Variants in GABBR2 observed in about 807,000 individuals in gnomAD.
The protein encoded by GABBR2 is gamma-aminobutyric acid type B receptor subunit 2, also known as G-protein coupled receptor 51.
Under a neutral mutation model 105.6 loss-of-function variants are expected in GABBR2, and 23 were observed. The ratio of observed to expected loss-of-function variants is 0.22; its 90% CI spans 0.16 to 0.31. The LOEUF (loss-of-function observed/expected upper bound fraction) is 0.31. GABBR2 is among the 10% of genes least tolerant of loss of function. The pLI, the probability that GABBR2 is intolerant of heterozygous loss-of-function variation, is 1.00. For missense variants in GABBR2, 734 were observed against 1,245.5 expected, an observed-to-expected ratio of 0.59 and a Z score of 6.18; for synonymous variants, 478 against 499.7, an observed-to-expected ratio of 0.96 and a Z score of 0.58.
rs150762560 is a variant in GABBR2, at chr9:98,310,342, G to A, written c.2004+753C>T. Among the ~76,000 whole-genome samples, 895 of 151,890 alleles carry A rather than the reference G, an allele frequency of 5.9e-3. 15 individuals are homozygous for A. Among genetic ancestry groups the A allele is most frequent in the Admixed American group, 0.031 (472 of 15,236 alleles). ...CGGCCCACCGCAACCTCTGCCTCCC[G>A]GGTTCAAGCGATTCTCCTGCCTCAG... On this transcript the variant is annotated intron_variant, in intron 14 of 18. Coordinates refer to ENST00000259455, the MANE Select transcript of GABBR2 (RefSeq NM_005458.8).
In GABBR2 at chr9:98,550,758, C is replaced by T. The variant is rs1258759145; in HGVS notation, c.460-8715G>A. 2.6e-5 allele frequency among the ~76,000 whole-genome samples: 4 copies of T among 152,246 alleles called. No individual in the cohort carries two copies. In the East Asian group the frequency reaches 7.7e-4, roughly 29 times the overall value. ...CCTGCCTGCTTTGGAGGGGTGATGG[C>T]AGGATGTAAAAGAACTTTGTGGACT... On this transcript the variant is annotated intron_variant, in intron 2 of 18. Coordinates refer to ENST00000259455, the MANE Select transcript of GABBR2 (RefSeq NM_005458.8).
intron 3 of GABBR2, among the ~76,000 whole-genome samples, chr9:98,503,260 C>T (rs1023139396): frequency 3.9e-5 from 6 of 152,116 alleles, no homozygotes; most frequent in Non-Finnish European, 7.4e-5. Context: ...AATGTCCTAG[C>T]GGGCTTAATG....
intron 11 of GABBR2, among the ~76,000 whole-genome samples, chr9:98,373,851 C>CTTTTTTTTTT (rs577915397): frequency 2.3e-5 from 2 of 86,690 alleles, no homozygotes; most frequent in African/African-American, 9.8e-5. Context: ...CAAAGCATTC[C>CTTTTTTTTTT]TTTTTTTTTT....
intron 2 of GABBR2, among the ~76,000 whole-genome samples, chr9:98,549,499 G>A (rs554578014): frequency 3.3e-5 from 5 of 152,294 alleles, no homozygotes; most frequent in Admixed American, 6.5e-5. Context: ...CCTCTTTCAC[G>A]TTGTTCAGAT....
chr9:98,409,052 C>A (rs7048026), intron 7 of GABBR2, among the ~76,000 whole-genome samples: 1 of 152,184 alleles, frequency 6.6e-6, no homozygotes, highest in Non-Finnish European at 1.5e-5. Context: ...TAGCCAGAGG[C>A]AAAAGCCAGG....
At chr9:98,647,274 C>A (rs188777013) in intron 1 of GABBR2, among the ~76,000 whole-genome samples, 1 of 152,286 alleles carries the variant, frequency 6.6e-6, no homozygotes, top group East Asian at 1.9e-4. Context: ...TAGCATCTGA[C>A]CCTGCGATTC....
chr9:98,367,408 G>T (rs1336162964), intron 12 of GABBR2, among the ~76,000 whole-genome samples: 2 of 151,968 alleles, frequency 1.3e-5, no homozygotes, highest in African/African-American at 4.8e-5. Flanking sequence ...TAACTTATAT[G>T]AGGTTCCTAG....
At chr9:98,703,369 C>T (rs1204350445) in intron 1 of GABBR2, among the ~76,000 whole-genome samples, 1 of 152,190 alleles carries the variant, frequency 6.6e-6, no homozygotes, top group Non-Finnish European at 1.5e-5. Context: ...TCATTTGCAT[C>T]AAGAGTACTA....
intron 1 of GABBR2, among the ~76,000 whole-genome samples, chr9:98,604,893 A>T (rs1829390803): frequency 6.6e-6 from 1 of 152,216 alleles, no homozygotes; most frequent in Admixed American, 6.5e-5. Context: ...TAGACCCCTC[A>T]TCTCCCAGGA....
chr9:98,622,458 A>G (rs981368403), intron 1 of GABBR2, among the ~76,000 whole-genome samples: 3 of 152,060 alleles, frequency 2.0e-5, no homozygotes, highest in African/African-American at 7.2e-5. Context: ...ATAACTACCA[A>G]ACAGAAACCC....
chr9:98,529,852 A>G (rs1423210784), intron 3 of GABBR2, among the ~76,000 whole-genome samples: 1 of 152,142 alleles, frequency 6.6e-6, no homozygotes, highest in Non-Finnish European at 1.5e-5. Flanking sequence ...TAAAGTCTCA[A>G]CTTAGAGGCA....
Position 98,473,265 on chromosome 9 carries a change from G to A in GABBR2, c.880C>T (p.His294Tyr), listed in dbSNP as rs900049439. Residue 294 changes from histidine (H) to tyrosine (Y), a missense_variant, in exon 6 of 19, where the codon CAC (histidine) becomes TAC (tyrosine). His to Tyr is a moderately conservative substitution (Grantham distance 83). Coordinates refer to ENST00000259455, the MANE Select transcript of GABBR2 (RefSeq NM_005458.8). ...CAGCGGGATGAGTTGGCTTCCGTGT[G>A]CACCTGCTCCCACCAAGAAGGCTCG... ...WYEPSWWEQV[H>Y]TEANSSRCLR... 6.2e-7 allele frequency: 1 copy of A among 1,613,194 alleles called. No individual in the cohort carries two copies. The highest frequency in any genetic ancestry group is 8.5e-7 in the Non-Finnish European group (1 of 1,179,402).
At chr9:98,466,906 C>A (rs144849642) in intron 6 of GABBR2, among the ~76,000 whole-genome samples, 1 of 152,318 alleles carries the variant, frequency 6.6e-6, no homozygotes, top group East Asian at 1.9e-4. Context: ...TATCTTTATG[C>A]TCCACAATCC....
At chr9:98,592,537 A>G (rs1396770505) in intron 1 of GABBR2, among the ~76,000 whole-genome samples, 1 of 152,210 alleles carries the variant, frequency 6.6e-6, no homozygotes, top group African/African-American at 2.4e-5. Flanking sequence ...TCAAGATTAC[A>G]TGACTGGTAA....
intron 3 of GABBR2, among the ~76,000 whole-genome samples, chr9:98,508,267 C>A (rs1827554334): frequency 2.0e-5 from 3 of 152,312 alleles, no homozygotes; most frequent in Middle Eastern, 3.4e-3. Context: ...CACTTCAAAA[C>A]CATTCCCTGG....
chr9:98,446,950 G>A (rs1445848610), intron 7 of GABBR2, among the ~76,000 whole-genome samples: 2 of 152,092 alleles, frequency 1.3e-5, no homozygotes, highest in Admixed American at 1.3e-4. Context: ...AGAATGACCA[G>A]CCCCAAGTGG....
chr9:98,631,946 C>A (rs1829820562), intron 1 of GABBR2, among the ~76,000 whole-genome samples: 1 of 152,198 alleles, frequency 6.6e-6, no homozygotes, highest in South Asian at 2.1e-4. Flanking sequence ...TGATTTCAGA[C>A]TTGAGGTTAT....
chr9:98,708,758 C>T lies in GABBR2; in HGVS notation c.-21G>A, dbSNP rs1830939069. On this transcript the variant is annotated 5_prime_UTR_variant, in exon 1 of 19. Transcript: ENST00000259455. ...GCCATGCCGCGCCGCGGGCTGCGGGCGCCGGCTCACTCGGCCCGCATGGCC... is the reference window on the plus strand; with the variant it reads ...GCCATGCCGCGCCGCGGGCTGCGGGTGCCGGCTCACTCGGCCCGCATGGCC... The T allele has an allele frequency of 2.0e-6, 2 of 979,320 alleles. No individual in the cohort carries two copies. Among genetic ancestry groups the T allele is most frequent in the African/African-American group, 1.8e-5 (1 of 56,250 alleles). The allele number at this position is 979,320 out of a possible 1,614,324, so 60.7% of individuals were successfully genotyped here. A position where few individuals can be genotyped will look rare whatever the true frequency, so the allele number is the denominator to read the frequency against.
intron 13 of GABBR2, among the ~76,000 whole-genome samples, chr9:98,334,151 C>G (rs1337876584): frequency 2.0e-5 from 3 of 152,206 alleles, no homozygotes; most frequent in Admixed American, 2.0e-4. Context: ...GAAGGTGAAG[C>G]TCTCAGATCT....
Sources: gnomAD v4.1 joint callset for allele counts (sites outside exome capture counted in the v4.1 genomes callset) on GRCh38, gnomAD v4.1.1 for gene constraint, MANE v1.5 for transcripts, NCBI Gene and HGNC (gene_info 2026-07-23, HGNC 2026-07-21) for gene names.